Variants in CTDSPL2 observed in about 807,000 individuals in gnomAD.
CTDSPL2 encodes CTD small phosphatase like 2.
CTDSPL2 carries 5 observed loss-of-function variants against 60.0 expected under a neutral mutation model. The observed-to-expected ratio is 0.08, with a 90% CI of 0.04 to 0.18. The LOEUF is 0.18. CTDSPL2 is among the 10% of genes least tolerant of loss of function. The pLI is 1.00. For missense variants in CTDSPL2, 370 were observed against 548.8 expected, an observed-to-expected ratio of 0.67 and a Z score of 3.26; for synonymous variants, 186 against 189.3, an observed-to-expected ratio of 0.98 and a Z score of 0.14.
Position 44,435,307 on chromosome 15 carries a change from C to T in CTDSPL2, c.-25+7535C>T, listed in dbSNP as rs1242851202. Among the ~76,000 whole-genome samples, 11 of 150,780 alleles carry T rather than the reference C, an allele frequency of 7.3e-5. No individual in the cohort carries two copies. In the South Asian group the frequency reaches 8.4e-4, roughly 12 times the overall value. The stretch of plus-strand genomic sequence containing the variant: ...CCTTCTAACTGTGCGCAATGGCTCA[C>T]GCGTGTAATCCCACCACTCTGGGAG... On this transcript the variant is annotated intron_variant, in intron 1 of 12. Coordinates refer to ENST00000260327, the MANE Select transcript of CTDSPL2 (RefSeq NM_016396.3).
intron 8 of CTDSPL2, among the ~76,000 whole-genome samples, chr15:44,511,919 A>G (rs2081574517): frequency 6.9e-6 from 1 of 145,788 alleles, no homozygotes. Flanking sequence ...GTCGGGTGTG[A>G]TGGGTCATGC....
chr15:44,478,485 A>AC (rs2090013578), intron 2 of CTDSPL2, among the ~76,000 whole-genome samples: 1 of 97,664 alleles, frequency 1.0e-5, no homozygotes, highest in Non-Finnish European at 2.1e-5. Flanking sequence ...AAAAAAAAAG[A>AC]CTCATGAGAA....
At chr15:44,521,482 T>C in intron 12 of CTDSPL2, 76 bp downstream of exon 12, 3 of 830,388 alleles carry the variant, frequency 3.6e-6, no homozygotes, top group Non-Finnish European at 5.7e-6. Flanking sequence ...TAAATGTCTT[T>C]GCTTTGTGTG....
intron 2 of CTDSPL2, among the ~76,000 whole-genome samples, chr15:44,474,654 G>A (rs923492901): frequency 6.6e-6 from 1 of 151,908 alleles, no homozygotes; most frequent in Non-Finnish European, 1.5e-5. Flanking sequence ...TCAAGAGTTC[G>A]AGACCAGCCT....
chr15:44,448,768 A>G (rs866483639), intron 1 of CTDSPL2: 6 of 352,918 alleles, frequency 1.7e-5, no homozygotes, highest in African/African-American at 9.0e-5. Context: ...CCCTGTTCCA[A>G]TACCACCAAG....
In CTDSPL2 at chr15:44,490,765, C is replaced by T. The variant is rs373778549; in HGVS notation, c.476-19C>T. On this transcript the variant is annotated intron_variant, in intron 4 of 12. Transcript: ENST00000260327. ...GGTGCATTTTTAAATGATGATAGTA[C>T]ACTGAATCATGATTTCAGGAACGTC... The T allele has an allele frequency of 2.5e-5, 40 of 1,592,438 alleles. No homozygotes were observed. Among genetic ancestry groups the T allele is most frequent in the Non-Finnish European group, 3.2e-5 (37 of 1,161,982 alleles).
At chr15:44,429,738 C>T (rs1418997966) in intron 1 of CTDSPL2, among the ~76,000 whole-genome samples, 1 of 152,124 alleles carries the variant, frequency 6.6e-6, no homozygotes, top group Non-Finnish European at 1.5e-5. Flanking sequence ...TGGTGGTGCA[C>T]ACCTGTAGTC....
chr15:44,484,306 G>C lies in CTDSPL2; in HGVS notation c.269G>C (p.Gly90Ala), dbSNP rs372675259. The C allele has an allele frequency of 6.2e-7, 1 of 1,613,760 alleles. No individual in the cohort carries two copies. Among genetic ancestry groups the C allele is most frequent in the African/African-American group, 1.3e-5 (1 of 75,000 alleles). Residue 90 changes from glycine (G) to alanine (A), a missense_variant, in exon 3 of 13, where the codon GGA becomes GCA. By Grantham distance (60) the Gly-to-Ala change is moderately conservative. Transcript: ENST00000260327. ...NNLITSTPRA[G>A]EKPNKQISRV... ...TTGATCACGTCAACACCAAGAGCAG[G>C]AGAAAAACCTAACAAACAGATATCT...
At chr15:44,457,606 G>A (rs1010128324) in intron 1 of CTDSPL2, among the ~76,000 whole-genome samples, 3 of 151,950 alleles carry the variant, frequency 2.0e-5, no homozygotes, top group Non-Finnish European at 4.4e-5. Flanking sequence ...GGTTGGGGGG[G>A]GTGGTGCGGG....
chr15:44,493,007 C>T (rs998257294), intron 5 of CTDSPL2, among the ~76,000 whole-genome samples: 3 of 152,008 alleles, frequency 2.0e-5, no homozygotes, highest in Non-Finnish European at 4.4e-5. Flanking sequence ...TGTAACTTAG[C>T]GGTTTCTAGA....
intron 1 of CTDSPL2, among the ~76,000 whole-genome samples, chr15:44,446,878 C>G (rs2141304026): frequency 6.6e-6 from 1 of 151,428 alleles, no homozygotes; most frequent in East Asian, 2.0e-4. Context: ...CCTCAGCCTC[C>G]CAAGTTGCTG....
chr15:44,458,947 A>G (rs1437602526), intron 1 of CTDSPL2, 44 bp from the exon 2 acceptor site: 11 of 1,290,008 alleles, frequency 8.5e-6, no homozygotes, highest in Non-Finnish European at 1.0e-5. Context: ...GTTGAATTTA[A>G]TAACTTTTAA....
intron 1 of CTDSPL2, among the ~76,000 whole-genome samples, chr15:44,437,538 C>T (rs1387123156): frequency 6.6e-6 from 1 of 152,124 alleles, no homozygotes; most frequent in Non-Finnish European, 1.5e-5. Flanking sequence ...TATTTATAAG[C>T]CCATTTTTGT....
chr15:44,462,700 CTTTTTTTTTTTT>C (rs554319789), intron 2 of CTDSPL2, among the ~76,000 whole-genome samples: 87 of 83,740 alleles, frequency 1.0e-3, no homozygotes, highest in Non-Finnish European at 1.7e-3. Context: ...ACACTCAGGA[CTTTTTTTTTTTT>C]TTTTTTTTTT....
chr15:44,525,296 C>T lies in CTDSPL2; in HGVS notation c.*1122C>T. ...CCTGTGGCACAGTACACTCCCAAGCCACCAATGCAGTTAATATGCTCTCAT... is the reference window on the plus strand; with the variant it reads ...CCTGTGGCACAGTACACTCCCAAGCTACCAATGCAGTTAATATGCTCTCAT... On this transcript the variant is annotated 3_prime_UTR_variant, in exon 13 of 13. Transcript: ENST00000260327. 2.5e-6 allele frequency: 1 copy of T among 397,910 alleles called. No individual in the cohort carries two copies. Among genetic ancestry groups the T allele is most frequent in the Non-Finnish European group, 4.4e-6 (1 of 225,426 alleles). The allele number at this position is 397,910 out of a possible 1,614,324, so 24.6% of individuals were successfully genotyped here. A position where few individuals can be genotyped will look rare whatever the true frequency, so the allele number is the denominator to read the frequency against.
chr15:44,528,758 T>A lies in CTDSPL2; in HGVS notation c.*4584T>A, dbSNP rs1244451555. ...TTTATTTTATAAATCTTTGTAGAAA[T>A]AAGCAATGAAATACTACTTTCATCT... On this transcript the variant is annotated 3_prime_UTR_variant, in exon 13 of 13. Coordinates refer to ENST00000260327, the MANE Select transcript of CTDSPL2 (RefSeq NM_016396.3). 5 of 152,126 alleles carry A rather than the reference T, an allele frequency of 3.3e-5. No homozygotes were observed. The highest frequency in any genetic ancestry group is 4.8e-5 in the African/African-American group (2 of 41,434). The allele number at this position is 152,126 out of a possible 1,614,324, so 9.4% of individuals were successfully genotyped here. A position where few individuals can be genotyped will look rare whatever the true frequency, so the allele number is the denominator to read the frequency against.
At chr15:44,487,422 T>C (rs1595749538) in intron 4 of CTDSPL2, among the ~76,000 whole-genome samples, 1 of 152,262 alleles carries the variant, frequency 6.6e-6, no homozygotes, top group East Asian at 1.9e-4. Flanking sequence ...TGTGCTGTGA[T>C]TGTACCACTG....
chr15:44,455,996 G>A (rs1397787855), intron 1 of CTDSPL2, among the ~76,000 whole-genome samples: 2 of 151,018 alleles, frequency 1.3e-5, no homozygotes, highest in South Asian at 2.1e-4. Context: ...GACTACAGGC[G>A]CCCGCCACCT....
At position 44,456,698 on chromosome 15, in the gene CTDSPL2, G is replaced by T. The variant is rs57157432; in HGVS notation, c.-24-2293G>T. 5.7e-3 allele frequency among the ~76,000 whole-genome samples: 869 copies of T among 151,522 alleles called. 8 individuals are homozygous for T. The highest frequency in any genetic ancestry group is 0.02 in the African/African-American group (842 of 41,394). On this transcript the variant is annotated intron_variant, in intron 1 of 12. Transcript: ENST00000260327. The stretch of plus-strand genomic sequence containing the variant: ...AATCTTTTCAAAAAACCAGCTCCTG[G>T]ATTCATTGATTTTTTTTAAGGGTTT...
Sources: gnomAD v4.1 joint callset for allele counts (sites outside exome capture counted in the v4.1 genomes callset) on GRCh38, gnomAD v4.1.1 for gene constraint, MANE v1.5 for transcripts, NCBI Gene and HGNC (gene_info 2026-07-23, HGNC 2026-07-21) for gene names.